The following MCF2L variants were observed in gnomAD, a reference collection of about 807,000 sequenced individuals.
MCF2L encodes the protein guanine nucleotide exchange factor DBS.
In MCF2L, 97 loss-of-function variants were observed where a neutral mutation model predicts 153.4. The observed-to-expected ratio is 0.63, with a 90% CI of 0.54 to 0.75. The LOEUF (loss-of-function observed/expected upper bound fraction) is 0.75. MCF2L is among the 30% of genes least tolerant of loss of function. The pLI is 0.00. For synonymous variants in MCF2L, 659 were observed against 632.2 expected (o/e 1.04, Z -0.64); for missense variants, 1,347 against 1,495.2 (o/e 0.90, Z 1.64).
chr13:113,019,942 G>C (rs2084771984), intron 2 of MCF2L, among the ~76,000 whole-genome samples: 1 of 152,228 alleles, frequency 6.6e-6, no homozygotes, highest in Non-Finnish European at 1.5e-5. Context: ...TCTGTTGTTT[G>C]GGCCTCCCGG....
chr13:113,012,646 T>C (rs1594648367), intron 1 of MCF2L, among the ~76,000 whole-genome samples: 2 of 95,022 alleles, frequency 2.1e-5, no homozygotes, highest in Non-Finnish European at 2.2e-5. Flanking sequence ...CGGTGGACAC[T>C]GTGATGCGGA....
At chr13:113,065,869 A>G (rs2141840973) in intron 7 of MCF2L, among the ~76,000 whole-genome samples, 177 bp from the exon 8 acceptor site, 1 of 152,280 alleles carries the variant, frequency 6.6e-6, no homozygotes, top group Admixed American at 6.5e-5. Flanking sequence ...GGAGGCCCCC[A>G]CATCACCCCG....
chr13:113,029,596 C>A (rs1323411200), intron 3 of MCF2L, among the ~76,000 whole-genome samples: 1 of 152,208 alleles, frequency 6.6e-6, no homozygotes, highest in Non-Finnish European at 1.5e-5. Flanking sequence ...CCACTGCGCC[C>A]TGAGGGTGCT....
chr13:113,085,818 GGC>G (rs2034583830), intron 20 of MCF2L, among the ~76,000 whole-genome samples: 1 of 79,464 alleles, frequency 1.3e-5, no homozygotes, highest in African/African-American at 5.1e-5. Flanking sequence ...GTTTGCACCT[GGC>G]ATCCGGGTGG....
chr13:112,968,346 G>A, upstream of MCF2L: 2 of 1,360,260 alleles, frequency 1.5e-6, no homozygotes, highest in Admixed American at 4.7e-5. Flanking sequence ...AGCTCAGAGA[G>A]TTTCTTGCAT....
chr13:112,929,700 A>C (rs1221581432), intron 2 of MCF2L, among the ~76,000 whole-genome samples: 1 of 152,232 alleles, frequency 6.6e-6, no homozygotes, highest in Admixed American at 6.5e-5. Context: ...CCCTGCCCAG[A>C]ACCTCCGGCC....
At chr13:113,042,458 G>A (rs1311111373) in intron 3 of MCF2L, 2 of 152,214 alleles carry the variant, frequency 1.3e-5, no homozygotes, top group African/African-American at 4.8e-5. Flanking sequence ...CATTGAAAAC[G>A]GATGCCTATT....
intron 26 of MCF2L, chr13:113,090,694 G>A (rs961525329): frequency 1.3e-5 from 13 of 985,368 alleles, no homozygotes; most frequent in Non-Finnish European, 1.6e-5. Context: ...CTGGCGTGCA[G>A]GCGGCTCTTC....
chr13:112,944,699 G>C (rs1055195526), intron 2 of MCF2L, among the ~76,000 whole-genome samples: 1 of 151,926 alleles, frequency 6.6e-6, no homozygotes, highest in Non-Finnish European at 1.5e-5. Context: ...TGTTAGCCAG[G>C]ATGGTCTCGA....
chr13:112,984,917 T>C (rs999633551), intron 1 of MCF2L, among the ~76,000 whole-genome samples: 1 of 152,006 alleles, frequency 6.6e-6, no homozygotes, highest in Admixed American at 6.5e-5. Flanking sequence ...GGGGCCGTGA[T>C]CAGATGGAGG....
chr13:112,896,317 A>G (rs1292983935), intron 1 of MCF2L, among the ~76,000 whole-genome samples: 2 of 151,692 alleles, frequency 1.3e-5, no homozygotes, highest in African/African-American at 2.4e-5. Context: ...CTGGTCCCCA[A>G]ATGGGTGGTC....
rs562550886 is a variant in MCF2L, at chr13:113,090,031, G to A, written c.2953+303G>A. ...CGGACCCGCCTCCGCATCGGGTTGC[G>A]ATGCCCTCTGCATAGTTTCTTTCTC... On this transcript the variant is annotated intron_variant, in intron 26 of 29. Transcript: ENST00000535094. 17 of 1,594,976 alleles carry A rather than the reference G, an allele frequency of 1.1e-5. No individual in the cohort carries two copies. The East Asian group carries it at 1.8e-4, about 17-fold the overall frequency.
intron 1 of MCF2L, among the ~76,000 whole-genome samples, chr13:112,978,073 C>CCAAA (rs1049194520): frequency 1.4e-4 from 21 of 152,254 alleles, no homozygotes; most frequent in Admixed American, 5.9e-4. Flanking sequence ...GACTCTGTCT[C>CCAAA]CAAACAAACA....
chr13:112,910,520 A>G (rs999673878), intron 2 of MCF2L: 19 of 152,276 alleles, frequency 1.2e-4, no homozygotes, highest in African/African-American at 4.3e-4. Flanking sequence ...ATTGCCAGTT[A>G]TAAAAACGAT....
At chr13:113,023,338 C>CG (rs1279036254) in intron 2 of MCF2L, among the ~76,000 whole-genome samples, 3 of 152,202 alleles carry the variant, frequency 2.0e-5, no homozygotes, top group Non-Finnish European at 4.4e-5. Context: ...GAGGAGGCCA[C>CG]GGAGCCCTGT....
chr13:112,903,617 G>A (rs895468425), intron 2 of MCF2L, among the ~76,000 whole-genome samples: 11 of 152,168 alleles, frequency 7.2e-5, no homozygotes, highest in Non-Finnish European at 1.5e-4. Flanking sequence ...GGCTGGCTGG[G>A]GGGCTGCGTT....
intron 27 of MCF2L, chr13:113,095,461 G>C (rs1001435698): frequency 9.2e-7 from 1 of 1,081,258 alleles, no homozygotes; most frequent in Non-Finnish European, 1.1e-6. Flanking sequence ...TGGTGGAACA[G>C]GGTGCACGGG....
rs201905827 is a variant in MCF2L at position 113,087,135 on chromosome 13, G to A, written c.2374-100G>A. ...GACGCCCTGCAGCTGGAATCCCACCGTGGGTGGGCTTTGCAGAGTGGCTGC... is the reference window on the plus strand; with the variant it reads ...GACGCCCTGCAGCTGGAATCCCACCATGGGTGGGCTTTGCAGAGTGGCTGC... On this transcript the variant is annotated intron_variant, in intron 21 of 29. Transcript: ENST00000535094. The A allele has an allele frequency of 5.3e-4, 543 of 1,019,398 alleles. 2 individuals carry two copies. The East Asian group carries it at 0.011, about 21-fold the overall frequency. 63.1% of individuals were successfully genotyped at this position (1,019,398 alleles called of 1,614,324 possible).
chr13:113,049,279 TG>T (rs1312844070), intron 4 of MCF2L, among the ~76,000 whole-genome samples: 1 of 138,422 alleles, frequency 7.2e-6, no homozygotes, highest in East Asian at 2.2e-4. Flanking sequence ...TGAGGGCAGC[TG>T]TGGACCCAGC....
Sources: allele counts gnomAD v4.1 joint callset (sites outside exome capture counted in the v4.1 genomes callset), GRCh38; gene constraint gnomAD v4.1.1; transcripts MANE v1.5; gene names NCBI Gene and HGNC (gene_info 2026-07-23, HGNC 2026-07-21).